The following FNIP2 variants were observed in gnomAD, a reference collection of about 807,000 sequenced individuals.
FNIP2 encodes the protein folliculin-interacting protein 2.
In FNIP2, 32 loss-of-function variants were observed where a neutral mutation model predicts 108.7. The ratio of observed to expected loss-of-function variants is 0.29; its 90% CI spans 0.22 to 0.40. The LOEUF is 0.40. Ranked by LOEUF, FNIP2 falls within the 10% of genes least tolerant of loss-of-function variation. The probability of loss-of-function intolerance (pLI) is 1.00; values close to 1 mark genes in which losing one functional copy is unlikely to be tolerated. For synonymous variants in FNIP2, 480 were observed against 496.7 expected, an observed-to-expected ratio of 0.97 and a Z score of 0.45; for missense variants, 1,202 against 1,381.6, an observed-to-expected ratio of 0.87 and a Z score of 2.06.
In FNIP2 at chr4:158,870,196, T is replaced by G. The variant is rs12501159; in HGVS notation, c.2793-117T>G. ...TCCACTTACTTGAGGGTTGGTGACA[T>G]GGACCACCCTGAATCTATTTTATTT... On this transcript the variant is annotated intron_variant, in intron 13 of 16. Coordinates refer to ENST00000264433, the MANE Select transcript of FNIP2 (RefSeq NM_020840.3). 14 of 1,148,936 alleles carry G rather than the reference T, an allele frequency of 1.2e-5. No homozygotes were observed. In the Admixed American group the frequency reaches 3.3e-4, roughly 27 times the overall value. 71.2% of individuals were successfully genotyped at this position (1,148,936 alleles called of 1,614,324 possible). A position where few individuals can be genotyped will look rare whatever the true frequency, so the allele number is the denominator to read the frequency against.
At chr4:158,831,593 A>T (rs1778484617) in intron 3 of FNIP2, among the ~76,000 whole-genome samples, 1 of 152,218 alleles carries the variant, frequency 6.6e-6, no homozygotes, top group Non-Finnish European at 1.5e-5. Context: ...TTTGTTTCTC[A>T]TAACACAAAT....
intron 14 of FNIP2, among the ~76,000 whole-genome samples, chr4:158,882,707 G>A (rs1044687799): frequency 3.9e-5 from 6 of 152,176 alleles, no homozygotes; most frequent in Non-Finnish European, 8.8e-5. Flanking sequence ...CCCCAACCGG[G>A]TGCTCTCTGA....
At chr4:158,805,968 G>C (rs1333442362) in intron 1 of FNIP2, 1 of 263,774 alleles carries the variant, frequency 3.8e-6, no homozygotes, top group African/African-American at 2.3e-5. Flanking sequence ...AGCGTGTTTT[G>C]TAATGTGATA....
chr4:158,860,563 T>C (rs944028803), intron 10 of FNIP2, among the ~76,000 whole-genome samples: 6 of 152,080 alleles, frequency 3.9e-5, no homozygotes, highest in Non-Finnish European at 8.8e-5. Flanking sequence ...AAACCTTCCA[T>C]AGTTTTTGGG....
chr4:158,823,486 G>C (rs186770999), intron 1 of FNIP2, among the ~76,000 whole-genome samples: 229 of 152,274 alleles, frequency 1.5e-3, no homozygotes, highest in African/African-American at 5.3e-3. Flanking sequence ...TGGTTGGCCA[G>C]GTTGGTCTTG....
intron 1 of FNIP2, among the ~76,000 whole-genome samples, chr4:158,784,644 T>C (rs563272209): frequency 6.6e-6 from 1 of 152,034 alleles, no homozygotes; most frequent in Admixed American, 6.5e-5. Flanking sequence ...TCATAAGGAG[T>C]GTGCAGCCTA....
At chr4:158,882,233 C>T (rs549641460) in intron 14 of FNIP2, among the ~76,000 whole-genome samples, 3,464 of 151,526 alleles carry the variant, frequency 0.023, 37 homozygotes, top group Non-Finnish European at 0.035. Flanking sequence ...GCCCGGCAGC[C>T]GCCCCGTCTG....
intron 1 of FNIP2, among the ~76,000 whole-genome samples, chr4:158,802,787 T>C (rs976055677): frequency 2.0e-5 from 3 of 152,170 alleles, no homozygotes; most frequent in African/African-American, 7.2e-5. Context: ...TGTGATTGTT[T>C]AGAGATTTTG....
intron 3 of FNIP2, among the ~76,000 whole-genome samples, chr4:158,830,010 C>T (rs1216041345): frequency 6.6e-6 from 1 of 152,228 alleles, no homozygotes; most frequent in South Asian, 2.1e-4. Context: ...CAGGGTCTCA[C>T]AGCAGTCTGC....
intron 1 of FNIP2, among the ~76,000 whole-genome samples, chr4:158,786,237 A>G (rs2126439131): frequency 1.3e-5 from 2 of 152,254 alleles, no homozygotes; most frequent in Middle Eastern, 6.8e-3. Context: ...CTCTGTTTAT[A>G]TTTCTCCTTC....
At chr4:158,880,277 G>A (rs535390818) in intron 14 of FNIP2, among the ~76,000 whole-genome samples, 17 of 152,278 alleles carry the variant, frequency 1.1e-4, no homozygotes, top group Admixed American at 2.6e-4. Context: ...AAAATGATGA[G>A]TTCATGTCCT....
intron 7 of FNIP2, among the ~76,000 whole-genome samples, chr4:158,838,022 G>A (rs1778906126): frequency 6.6e-6 from 1 of 152,104 alleles, no homozygotes; most frequent in East Asian, 1.9e-4. Flanking sequence ...GTGGCATTTA[G>A]CACTCTTTTA....
At chr4:158,883,154 GAATATCTC>G (rs1208248894) in intron 14 of FNIP2, among the ~76,000 whole-genome samples, 1 of 151,908 alleles carries the variant, frequency 6.6e-6, no homozygotes, top group African/African-American at 2.4e-5. Flanking sequence ...TTATTATCCA[GAATATCTC>G]AGAGAAAAAC....
At chr4:158,804,246 T>C (rs932411394) in intron 1 of FNIP2, among the ~76,000 whole-genome samples, 1 of 152,072 alleles carries the variant, frequency 6.6e-6, no homozygotes, top group South Asian at 2.1e-4. Flanking sequence ...CTGGCCCATA[T>C]CATAGTTTTA....
At chr4:158,787,865 C>CA (rs1776273443) in intron 1 of FNIP2, among the ~76,000 whole-genome samples, 1 of 152,136 alleles carries the variant, frequency 6.6e-6, no homozygotes, top group Non-Finnish European at 1.5e-5. Context: ...CTCTTAAGTC[C>CA]AGTCAAAGCG....
In FNIP2 at chr4:158,769,148, C is replaced by A; in HGVS notation, c.-65C>A. ...GATGGCCCCGCCACCGCGGCCGCCG[C>A]CCCCGGCTGCGCGCTGAGCCGCCGG... On this transcript the variant is annotated 5_prime_UTR_variant, in exon 1 of 17. Transcript: ENST00000264433. 1.3e-6 allele frequency: 1 copy of A among 784,202 alleles called. No individual in the cohort carries two copies. Among genetic ancestry groups the A allele is most frequent in the Non-Finnish European group, 1.5e-6 (1 of 646,224 alleles). 48.6% of individuals were successfully genotyped at this position (784,202 alleles called of 1,614,324 possible).
chr4:158,810,917 G>A (rs1777233162), intron 1 of FNIP2, among the ~76,000 whole-genome samples: 1 of 152,126 alleles, frequency 6.6e-6, no homozygotes, highest in Admixed American at 6.5e-5. Flanking sequence ...CCACATCCCT[G>A]GTTCTCCTGT....
intron 7 of FNIP2, among the ~76,000 whole-genome samples, chr4:158,839,185 G>A (rs1338623162): frequency 6.6e-6 from 1 of 152,090 alleles, no homozygotes; most frequent in Non-Finnish European, 1.5e-5. Context: ...CCTAAGGGGT[G>A]GGGAATTATG....
intron 1 of FNIP2, among the ~76,000 whole-genome samples, chr4:158,806,999 A>G (rs1777002859): frequency 6.6e-6 from 1 of 152,160 alleles, no homozygotes; most frequent in South Asian, 2.1e-4. Context: ...GGTTTATTTC[A>G]TCCACGTTCT....
Sources: allele counts gnomAD v4.1 joint callset (sites outside exome capture counted in the v4.1 genomes callset), GRCh38; gene constraint gnomAD v4.1.1; transcripts MANE v1.5; gene names NCBI Gene and HGNC (gene_info 2026-07-23, HGNC 2026-07-21).